Variants in ERBB4 observed in about 807,000 individuals in gnomAD.
ERBB4 encodes receptor tyrosine-protein kinase erbB-4.
In ERBB4, 42 loss-of-function variants were observed where a neutral mutation model predicts 158.0. That is an observed-to-expected ratio of 0.27 (90% CI 0.21 to 0.34). The LOEUF (loss-of-function observed/expected upper bound fraction) is 0.34. Ranked by LOEUF, ERBB4 falls within the 10% of genes least tolerant of loss-of-function variation. The pLI is 1.00. For missense variants in ERBB4, 1,333 were observed against 1,624.1 expected (o/e 0.82, Z 3.08); for synonymous variants, 583 against 558.7 (o/e 1.04, Z -0.61).
At chr2:211,717,875 G>C (rs566761968) in intron 7 of ERBB4, among the ~76,000 whole-genome samples, 1 of 152,154 alleles carries the variant, frequency 6.6e-6, no homozygotes, top group East Asian at 1.9e-4. Context: ...CTATCTCTTC[G>C]ATTGTTATAA....
intron 3 of ERBB4, among the ~76,000 whole-genome samples, chr2:211,868,222 G>A (rs190978270): frequency 6.7e-6 from 1 of 149,326 alleles, no homozygotes; most frequent in East Asian, 1.9e-4. Context: ...GCAACTGAAA[G>A]TTGATCTGGA....
At chr2:212,476,548 T>G (rs937763620) in intron 1 of ERBB4, among the ~76,000 whole-genome samples, 5 of 152,156 alleles carry the variant, frequency 3.3e-5, no homozygotes, top group African/African-American at 1.2e-4. Flanking sequence ...GCAACTATTT[T>G]AGGTATTTCT....
chr2:211,383,146 A>G lies in ERBB4; in HGVS notation c.*469T>C, dbSNP rs1196860327. The G allele has an allele frequency of 8.4e-6, 2 of 237,898 alleles. No homozygotes were observed. Among genetic ancestry groups the G allele is most frequent in the African/African-American group, 4.4e-5 (2 of 45,270 alleles). The allele number at this position is 237,898 out of a possible 1,614,324, so 14.7% of individuals were successfully genotyped here. On this transcript the variant is annotated 3_prime_UTR_variant, in exon 28 of 28. Coordinates refer to ENST00000342788, the MANE Select transcript of ERBB4 (RefSeq NM_005235.3). ...TAGAAAATGTTATTCTTTTGTTCTAATGGAAACTTTATTATGATTTCCAGG... is the reference window on the plus strand; with the variant it reads ...TAGAAAATGTTATTCTTTTGTTCTAGTGGAAACTTTATTATGATTTCCAGG...
At chr2:211,679,343 ACTT>A (rs1461948158) in intron 12 of ERBB4, among the ~76,000 whole-genome samples, 159 bp from the exon 13 acceptor site, 2 of 152,132 alleles carry the variant, frequency 1.3e-5, no homozygotes, top group African/African-American at 4.8e-5. Flanking sequence ...CCTACCCACA[ACTT>A]CTTCTATATT....
At chr2:211,812,751 G>A (rs1371428959) in intron 3 of ERBB4, among the ~76,000 whole-genome samples, 1 of 152,210 alleles carries the variant, frequency 6.6e-6, no homozygotes, top group Non-Finnish European at 1.5e-5. Flanking sequence ...AGCAATGGCA[G>A]ATGCCTCTCC....
At chr2:212,181,473 A>G (rs910152019) in intron 1 of ERBB4, among the ~76,000 whole-genome samples, 1 of 150,212 alleles carries the variant, frequency 6.7e-6, no homozygotes, top group Non-Finnish European at 1.5e-5. Context: ...AAACCTATAA[A>G]TAATTTCAAT....
chr2:212,161,415 C>G (rs2081199267), intron 1 of ERBB4, among the ~76,000 whole-genome samples: 3 of 151,828 alleles, frequency 2.0e-5, no homozygotes, highest in African/African-American at 7.2e-5. Flanking sequence ...GAAATGATAT[C>G]AGGATAATTC....
At chr2:212,084,455 T>A (rs372045497) in intron 2 of ERBB4, among the ~76,000 whole-genome samples, 3 of 151,916 alleles carry the variant, frequency 2.0e-5, no homozygotes, top group African/African-American at 7.2e-5. Context: ...GATTCTCAAA[T>A]AAAGAAAATT....
intron 1 of ERBB4, among the ~76,000 whole-genome samples, chr2:212,371,963 T>C: frequency 6.6e-6 from 1 of 152,342 alleles, no homozygotes; most frequent in Non-Finnish European, 1.5e-5. Flanking sequence ...TTTGTAAAGA[T>C]GGCAATAGTA....
At chr2:212,247,729 C>T (rs761337768) in intron 1 of ERBB4, among the ~76,000 whole-genome samples, 4 of 152,096 alleles carry the variant, frequency 2.6e-5, no homozygotes, top group Non-Finnish European at 4.4e-5. Context: ...TCTGGGAGGC[C>T]GAGGCAGACA....
intron 2 of ERBB4, among the ~76,000 whole-genome samples, chr2:211,970,846 T>C (rs1249894336): frequency 6.6e-6 from 1 of 152,180 alleles, no homozygotes; most frequent in Non-Finnish European, 1.5e-5. Flanking sequence ...CCATTCTGTG[T>C]CATTTAATTG....
intron 1 of ERBB4, among the ~76,000 whole-genome samples, chr2:212,244,541 T>G (rs1328909747): frequency 6.6e-6 from 1 of 152,146 alleles, no homozygotes; most frequent in African/African-American, 2.4e-5. Context: ...CCTGTTTATA[T>G]TTTCGAGCAC....
At chr2:211,821,421 A>G (rs963984691) in intron 3 of ERBB4, among the ~76,000 whole-genome samples, 2 of 152,022 alleles carry the variant, frequency 1.3e-5, no homozygotes, top group Non-Finnish European at 2.9e-5. Flanking sequence ...AGAATAATTA[A>G]TATTGTTAAA....
chr2:212,508,367 A>G (rs890125184), intron 1 of ERBB4, among the ~76,000 whole-genome samples: 7 of 152,148 alleles, frequency 4.6e-5, no homozygotes, highest in African/African-American at 1.7e-4. Flanking sequence ...AACTGATCAA[A>G]CTGACCAGGC....
chr2:212,003,166 A>G (rs1232287499), intron 2 of ERBB4, among the ~76,000 whole-genome samples: 1 of 28,198 alleles, frequency 3.5e-5, no homozygotes, highest in Non-Finnish European at 1.5e-4. Context: ...AGAAAGAAAG[A>G]AAGAAAGAAA....
At chr2:212,207,954 A>C (rs945424154) in intron 1 of ERBB4, among the ~76,000 whole-genome samples, 3 of 152,150 alleles carry the variant, frequency 2.0e-5, no homozygotes, top group African/African-American at 7.2e-5. Context: ...ATTAGAAAAA[A>C]AGTAAAATAA....
At chr2:211,492,636 C>A (rs1483148115) in intron 20 of ERBB4, among the ~76,000 whole-genome samples, 1 of 152,016 alleles carries the variant, frequency 6.6e-6, no homozygotes. Context: ...ATAAGCACAA[C>A]AACAATTTTA....
intron 3 of ERBB4, among the ~76,000 whole-genome samples, chr2:211,869,574 C>T (rs1023427145): frequency 6.6e-6 from 1 of 151,870 alleles, no homozygotes; most frequent in Non-Finnish European, 1.5e-5. Context: ...TTTTAGTAAC[C>T]CCGGTACCTA....
intron 2 of ERBB4, chr2:211,960,531 T>C (rs943657653): frequency 2.6e-5 from 4 of 152,064 alleles, no homozygotes; most frequent in African/African-American, 9.7e-5. Context: ...AGATGAAAGG[T>C]AGTGCCTTAG....
Sources: allele counts gnomAD v4.1 joint callset (sites outside exome capture counted in the v4.1 genomes callset), GRCh38; gene constraint gnomAD v4.1.1; transcripts MANE v1.5; gene names NCBI Gene and HGNC (gene_info 2026-07-23, HGNC 2026-07-21).